Variants in WDR97 observed in about 807,000 individuals in gnomAD.
WDR97 encodes WD repeat domain 97.
Under a neutral mutation model 65.4 loss-of-function variants are expected in WDR97, and 111 were observed. That is an observed-to-expected ratio of 1.70 (90% CI 1.45 to 1.99). The LOEUF (loss-of-function observed/expected upper bound fraction) is 1.99. Ranked by LOEUF, WDR97 falls within the 30% of genes most tolerant of loss-of-function variation. The pLI, the probability that WDR97 is intolerant of heterozygous loss-of-function variation, is 0.00. For synonymous variants in WDR97, 802 were observed against 397.7 expected (o/e 2.02, Z -12.10); for missense variants, 1,674 against 865.0 (o/e 1.94, Z -11.73).
At chr8:144,115,919 C>T (rs1393723706) in intron 22 of WDR97, 24 bp from the exon 23 acceptor site, 1 of 700,936 alleles carries the variant, frequency 1.4e-6, no homozygotes, top group Non-Finnish European at 2.6e-6. Flanking sequence ...GCTGGGCCAG[C>T]TGAACCCTCC....
intron 10 of WDR97, 54 bp downstream of exon 10, chr8:144,111,276 TG>T (rs1564321455): frequency 1.4e-6 from 1 of 702,554 alleles, no homozygotes; most frequent in Admixed American, 2.0e-5. Context: ...CCACTCTGGG[TG>T]GGGGCCTGGC....
Position 144,115,617 on chromosome 8 carries a change from C to T in WDR97, c.4354C>T (p.Arg1452Cys), listed in dbSNP as rs1836636016. 5 of 686,964 alleles carry T rather than the reference C, an allele frequency of 7.3e-6. No individual in the cohort carries two copies. The highest frequency in any genetic ancestry group is 5.6e-4 in the Middle Eastern group (2 of 3,562). The allele number at this position is 686,964 out of a possible 1,614,324, so 42.6% of individuals were successfully genotyped here. A position where few individuals can be genotyped will look rare whatever the true frequency, so the allele number is the denominator to read the frequency against. The change falls in exon 22 of 24, where the codon CGC becomes TGC. Residue 1452 changes from arginine to cysteine, a missense_variant. By Grantham distance (180) the Arg-to-Cys change is radical. Transcript: ENST00000323662. ...LKSFCLEPEA[R>C]LHPAGPAQLP... ...GAGCTTCTGCCTGGAGCCCGAGGCCCGCCTGCACCCTGCCGGGCCTGCTCA... is the reference window on the plus strand; with the variant it reads ...GAGCTTCTGCCTGGAGCCCGAGGCCTGCCTGCACCCTGCCGGGCCTGCTCA...
In WDR97 at chr8:144,108,653, G is replaced by C. The variant is rs1390249818; in HGVS notation, c.587G>C (p.Gly196Ala). The change falls in exon 3 of 24, where the codon GGT (glycine) becomes GCT (alanine). Residue 196 changes from glycine (G) to alanine (A), a missense_variant. Transcript: ENST00000323662. Reference protein sequence around the residue: ...LSEQGVGRAPGWAPTCCLPVP... With the variant: ...LSEQGVGRAPAWAPTCCLPVP... ...GAGCAGGGGGTGGGCAGGGCCCCGG[G>C]TTGGGCGCCCACCTGCTGCCTGCCG... The C allele has an allele frequency of 1.4e-6, 1 of 700,570 alleles. No individual in the cohort carries two copies. The highest frequency in any genetic ancestry group is 2.7e-5 in the East Asian group (1 of 37,260). The allele number at this position is 700,570 out of a possible 1,614,324, so 43.4% of individuals were successfully genotyped here. A position where few individuals can be genotyped will look rare whatever the true frequency, so the allele number is the denominator to read the frequency against.
In WDR97 at chr8:144,109,073, C is replaced by A. The variant is rs1836483852; in HGVS notation, c.903C>A (p.Cys301Ter). The change falls in exon 4 of 24, where the codon TGC (cysteine) becomes TGA (stop). Residue 301 changes from cysteine (C) to a stop codon, truncating the protein, a stop_gained. Transcript: ENST00000323662. LOFTEE classifies it high-confidence loss of function. ...HKTTISDLAY[C>*]EEVEAMVTAS... ...GCACCATCTCGGACCTGGCTTACTG[C>A]GAGGAAGTAGAGGCAATGGTGACAG... is the stretch of plus-strand genomic sequence containing the variant. 1 of 703,192 alleles carries A rather than the reference C, an allele frequency of 1.4e-6. No individual in the cohort carries two copies. Among genetic ancestry groups the A allele is most frequent in the Non-Finnish European group, 2.6e-6 (1 of 385,044 alleles). The allele number at this position is 703,192 out of a possible 1,614,324, so 43.6% of individuals were successfully genotyped here.
rs1372144939 is a variant in WDR97, at chr8:144,114,125, C to A, written c.3557C>A (p.Thr1186Asn). The A allele has an allele frequency of 4.3e-6, 3 of 702,836 alleles. No individual in the cohort carries two copies. The highest frequency in any genetic ancestry group is 7.8e-6 in the Non-Finnish European group (3 of 384,988). The allele number at this position is 702,836 out of a possible 1,614,324, so 43.5% of individuals were successfully genotyped here. A position where few individuals can be genotyped will look rare whatever the true frequency, so the allele number is the denominator to read the frequency against. The change falls in exon 18 of 24, where the codon ACC becomes AAC. Residue 1186 changes from threonine (T) to asparagine (N), a missense_variant. Coordinates refer to ENST00000323662, the MANE Select transcript of WDR97 (RefSeq NM_001316309.2). Reference protein sequence around the residue: ...PKFLHFFIYQTWFKKLFPIFS... With the variant: ...PKFLHFFIYQNWFKKLFPIFS... The stretch of plus-strand genomic sequence containing the variant: ...TTTCTGCATTTCTTCATCTACCAGA[C>A]CTGGTTCAAAAAGTTGTTCCCCATC...
At chr8:144,115,901 A>T in intron 22 of WDR97, 42 bp from the exon 23 acceptor site, 2 of 699,822 alleles carry the variant, frequency 2.9e-6, no homozygotes, top group Non-Finnish European at 5.2e-6. Flanking sequence ...GGGGCAGCCA[A>T]GCGTGGGGCT....
In WDR97 at chr8:144,110,887, C is replaced by T. The variant is rs757436329; in HGVS notation, c.2195C>T (p.Pro732Leu). ...AGGCTCCTGCAGCTGAATGGTGCCC[C>T]TCAGGCCCTGGCTTTCTGCAGCAAC... ...LLRLLQLNGA[P>L]QALAFCSNSG... Residue 732 changes from proline (P) to leucine (L), a missense_variant, in exon 9 of 24, where the codon CCT (proline) becomes CTT (leucine). Transcript: ENST00000323662. 1 of 702,942 alleles carries T rather than the reference C, an allele frequency of 1.4e-6. No individual in the cohort carries two copies. The allele number at this position is 702,942 out of a possible 1,614,324, so 43.5% of individuals were successfully genotyped here. A position where few individuals can be genotyped will look rare whatever the true frequency, so the allele number is the denominator to read the frequency against.
chr8:144,110,661 G>GC lies in WDR97; in HGVS notation c.2097dup (p.Thr700HisfsTer20), dbSNP rs1485415329. The GC allele has an allele frequency of 4.3e-6, 3 of 702,772 alleles. No homozygotes were observed. The East Asian group carries it at 8.0e-5, about 19-fold the overall frequency. The allele number at this position is 702,772 out of a possible 1,614,324, so 43.5% of individuals were successfully genotyped here. A position where few individuals can be genotyped will look rare whatever the true frequency, so the allele number is the denominator to read the frequency against. ...ACCCTGCCGCCAGGCCTGTGCTGCT[G>GC]CCCCACGCTCAAACTGTATGCCTGC... On this transcript the variant is annotated frameshift_variant, in exon 8 of 24. Transcript: ENST00000323662. LOFTEE classifies it high-confidence loss of function.
At position 144,110,458 on chromosome 8, in the gene WDR97, G is replaced by A. The variant is rs1485323071; in HGVS notation, c.1961G>A (p.Arg654His). The change falls in exon 7 of 24, where the codon CGC (arginine) becomes CAC (histidine). Residue 654 changes from arginine to histidine, a missense_variant. Coordinates refer to ENST00000323662, the MANE Select transcript of WDR97 (RefSeq NM_001316309.2). The part of the protein sequence containing the change: ...PAVALCALGR[R>H]VTAGFEDPDS... ...GTGGCGCTCTGTGCGCTAGGCAGAC[G>A]CGTCACCGCGGGCTTTGAGGACCCA... is the stretch of plus-strand genomic sequence containing the variant. 4 of 703,006 alleles carry A rather than the reference G, an allele frequency of 5.7e-6. No homozygotes were observed. The highest frequency in any genetic ancestry group is 1.0e-5 in the Non-Finnish European group (4 of 384,968). 43.5% of individuals were successfully genotyped at this position (703,006 alleles called of 1,614,324 possible).
Position 144,110,633 on chromosome 8 carries a change from T to G in WDR97, c.2081-16T>G. ...ACCGCCCAGCTCCGGTTCCTGACCCTGAACCCTGCCGCCAGGCCTGTGCTG... is the reference window on the plus strand; with the variant it reads ...ACCGCCCAGCTCCGGTTCCTGACCCGGAACCCTGCCGCCAGGCCTGTGCTG... On this transcript the variant is annotated splice_polypyrimidine_tract_variant and intron_variant, in intron 7 of 23. Coordinates refer to ENST00000323662, the MANE Select transcript of WDR97 (RefSeq NM_001316309.2). The G allele has an allele frequency of 2.8e-6, 2 of 702,838 alleles. No homozygotes were observed. Among genetic ancestry groups the G allele is most frequent in the Non-Finnish European group, 5.2e-6 (2 of 384,992 alleles). The allele number at this position is 702,838 out of a possible 1,614,324, so 43.5% of individuals were successfully genotyped here. A position where few individuals can be genotyped will look rare whatever the true frequency, so the allele number is the denominator to read the frequency against.
intron 21 of WDR97, 128 bp downstream of exon 21, chr8:144,115,039 A>G: frequency 1.7e-6 from 1 of 603,934 alleles, no homozygotes; most frequent in Non-Finnish European, 2.9e-6. Flanking sequence ...CTGGGCCTCC[A>G]GCCTCCCTGC....
In WDR97 at chr8:144,116,384, T is replaced by C. The variant is rs1836668387; in HGVS notation, c.*91T>C. The C allele has an allele frequency of 1.8e-6, 1 of 556,792 alleles. No individual in the cohort carries two copies. Among genetic ancestry groups the C allele is most frequent in the Non-Finnish European group, 3.2e-6 (1 of 314,696 alleles). 34.5% of individuals were successfully genotyped at this position (556,792 alleles called of 1,614,324 possible). ...TCGGGAATAAAGTCCAGAGAATTTC[T>C]TTCTGCAGGATGCCGCCTGCTTTGG... On this transcript the variant is annotated 3_prime_UTR_variant, in exon 24 of 24. Transcript: ENST00000323662.
intron 11 of WDR97, 60 bp downstream of exon 11, chr8:144,111,546 G>C (rs1286270697): frequency 2.9e-6 from 2 of 691,794 alleles, no homozygotes; most frequent in Admixed American, 4.1e-5. Context: ...GTCAGCCCTG[G>C]GGCAGGCCTG....
rs968906126 is a variant in WDR97, at chr8:144,116,000, G to C, written c.4653G>C (p.Ala1551=). The C allele has an allele frequency of 1.0e-5, 7 of 700,330 alleles. No homozygotes were observed. In the African/African-American group the frequency reaches 1.2e-4, roughly 12 times the overall value. The allele number at this position is 700,330 out of a possible 1,614,324, so 43.4% of individuals were successfully genotyped here. A position where few individuals can be genotyped will look rare whatever the true frequency, so the allele number is the denominator to read the frequency against. Residue 1551 remains alanine, a synonymous_variant, in exon 23 of 24, where the codon GCG becomes GCC. Transcript: ENST00000323662. The part of the protein sequence containing the change: ...EAKPQRSARS[A]MRLRGPMRSR... ...AGCCGCAGAGGTCCGCGAGGTCCGC[G>C]ATGAGACTGAGGGGTGAGTGGAGCC...
Position 144,113,428 on chromosome 8 carries a change from GC to G in WDR97, c.3106-9del, listed in dbSNP as rs746538274. The G allele has an allele frequency of 1.4e-4, 99 of 702,064 alleles. No homozygotes were observed. The highest frequency in any genetic ancestry group is 2.3e-4 in the Non-Finnish European group (89 of 384,864). 43.5% of individuals were successfully genotyped at this position (702,064 alleles called of 1,614,324 possible). ...CCAGGTCCTCAGCATTCCCTGCTGT[GC>G]CCACCTCCAGCACTGCCTGAGGCCC... On this transcript the variant is annotated splice_polypyrimidine_tract_variant and intron_variant, in intron 15 of 23. Coordinates refer to ENST00000323662, the MANE Select transcript of WDR97 (RefSeq NM_001316309.2).
rs574692769 is a variant in WDR97 at position 144,107,892 on chromosome 8, A to G, written c.112+30A>G. On this transcript the variant is annotated intron_variant, in intron 1 of 23. Coordinates refer to ENST00000323662, the MANE Select transcript of WDR97 (RefSeq NM_001316309.2). ...GGGGGCCTGGCCTCGCCCTCCGGGC[A>G]TCCCGCTAGGAAGTGGGTCTCATTC... 215 of 702,816 alleles carry G rather than the reference A, an allele frequency of 3.1e-4. 2 individuals are homozygous for G. In the East Asian group the frequency reaches 5.5e-3, roughly 18 times the overall value. The allele number at this position is 702,816 out of a possible 1,614,324, so 43.5% of individuals were successfully genotyped here. A position where few individuals can be genotyped will look rare whatever the true frequency, so the allele number is the denominator to read the frequency against.
rs1369849533 is a variant in WDR97 at position 144,110,328 on chromosome 8, C to A, written c.1844-13C>A. 2 of 702,704 alleles carry A rather than the reference C, an allele frequency of 2.8e-6. No individual in the cohort carries two copies. The highest frequency in any genetic ancestry group is 5.4e-5 in the East Asian group (2 of 37,298). The allele number at this position is 702,704 out of a possible 1,614,324, so 43.5% of individuals were successfully genotyped here. A position where few individuals can be genotyped will look rare whatever the true frequency, so the allele number is the denominator to read the frequency against. ...CCCTCCGACAAGGCCCAGCCAGATT[C>A]CGCTGCCCACAGGTGGGGACCTGAC... On this transcript the variant is annotated splice_polypyrimidine_tract_variant and intron_variant, in intron 6 of 23. Coordinates refer to ENST00000323662, the MANE Select transcript of WDR97 (RefSeq NM_001316309.2).
chr8:144,109,721 G>C lies in WDR97; in HGVS notation c.1387G>C (p.Gly463Arg), dbSNP rs888232329. 5 of 679,820 alleles carry C rather than the reference G, an allele frequency of 7.4e-6. No homozygotes were observed. Among genetic ancestry groups the C allele is most frequent in the African/African-American group, 3.7e-5 (2 of 53,942 alleles). The allele number at this position is 679,820 out of a possible 1,614,324, so 42.1% of individuals were successfully genotyped here. Residue 463 changes from glycine (G) to arginine (R), a missense_variant, in exon 5 of 24, where the codon GGG becomes CGG. Coordinates refer to ENST00000323662, the MANE Select transcript of WDR97 (RefSeq NM_001316309.2). ...GSVYLLSAAT[G>R]RIVSSLLLEP... is the part of the protein sequence containing the mutation. The stretch of plus-strand genomic sequence containing the variant: ...GGTCTACCTCCTGTCGGCGGCCACC[G>C]GGCGCATAGTGAGCTCACTGCTGCT...
At position 144,111,131 on chromosome 8, in the gene WDR97, G is replaced by A; in HGVS notation, c.2335G>A (p.Asp779Asn). ...KMCRKAPDVVDDPPLPLMSQE... is the reference protein window; with the variant it reads ...KMCRKAPDVVNDPPLPLMSQE... ...GTGCCGGAAGGCCCCAGACGTGGTGGACGACCCTCCGCTGCCACTGATGAG... is the reference window on the plus strand; with the variant it reads ...GTGCCGGAAGGCCCCAGACGTGGTGAACGACCCTCCGCTGCCACTGATGAG... The change falls in exon 10 of 24, where the codon GAC becomes AAC. Residue 779 changes from aspartate to asparagine, a missense_variant. Coordinates refer to ENST00000323662, the MANE Select transcript of WDR97 (RefSeq NM_001316309.2). The A allele has an allele frequency of 1.4e-6, 1 of 702,746 alleles. No homozygotes were observed. Among genetic ancestry groups the A allele is most frequent in the Non-Finnish European group, 2.6e-6 (1 of 384,988 alleles). 43.5% of individuals were successfully genotyped at this position (702,746 alleles called of 1,614,324 possible).
Sources: gnomAD v4.1 joint callset for allele counts on GRCh38, gnomAD v4.1.1 for gene constraint, MANE v1.5 for transcripts, NCBI Gene and HGNC (gene_info 2026-07-23, HGNC 2026-07-21) for gene names.